Variants in EXOC6B observed in about 807,000 individuals in gnomAD.
The protein encoded by EXOC6B is SEC15 homolog B.
A neutral mutation model predicts 113.5 loss-of-function variants in EXOC6B; 54 were observed. That is an observed-to-expected ratio of 0.48 (90% CI 0.38 to 0.60). The LOEUF (loss-of-function observed/expected upper bound fraction) is 0.60, where lower values mean the gene tolerates loss of function less well. Among genes scored for constraint, EXOC6B ranks in the 20% least tolerant of loss-of-function variants. The pLI, the probability that EXOC6B is intolerant of heterozygous loss-of-function variation, is 0.00. For missense variants in EXOC6B, 797 were observed against 977.5 expected (o/e 0.82, Z 2.46); for synonymous variants, 357 against 339.0 (o/e 1.05, Z -0.58).
intron 20 of EXOC6B, among the ~76,000 whole-genome samples, chr2:72,201,693 T>A (rs983549327): frequency 6.6e-6 from 1 of 152,164 alleles, no homozygotes; most frequent in African/African-American, 2.4e-5. Flanking sequence ...TGTTAGGGAG[T>A]TACATCCCCA....
At chr2:72,515,598 G>A in intron 8 of EXOC6B, 1 of 997,652 alleles carries the variant, frequency 1.0e-6, no homozygotes, top group South Asian at 4.4e-5. Flanking sequence ...TTCCCCCTTA[G>A]GTTATAATCC....
At chr2:72,672,201 C>CAAAAAAAAAAAAAAAAAAAAAAAAAAA (rs61678584) in intron 6 of EXOC6B, among the ~76,000 whole-genome samples, 1 of 105,848 alleles carries the variant, frequency 9.4e-6, no homozygotes, top group African/African-American at 3.5e-5. Flanking sequence ...GGTATATATC[C>CAAAAAAAAAAAAAAAAAAAAAAAAAAA]AAAAAAAAAA....
chr2:72,506,401 TAG>T (rs1466751368), intron 11 of EXOC6B, among the ~76,000 whole-genome samples: 1 of 152,102 alleles, frequency 6.6e-6, no homozygotes, highest in Admixed American at 6.6e-5. Context: ...GGCAGCAGAT[TAG>T]ACTCTCCATC....
At chr2:72,782,151 A>AG (rs1553483759) in intron 1 of EXOC6B, among the ~76,000 whole-genome samples, 1 of 151,644 alleles carries the variant, frequency 6.6e-6, no homozygotes, top group South Asian at 2.1e-4. Flanking sequence ...AAAAAAAAAA[A>AG]AAAAGAAAAG....
intron 6 of EXOC6B, among the ~76,000 whole-genome samples, chr2:72,708,896 A>ATTTTTTTTT (rs1159794341): frequency 1.0e-4 from 7 of 69,790 alleles, no homozygotes; most frequent in African/African-American, 1.1e-4. Flanking sequence ...CATCCAGCTA[A>ATTTTTTTTT]TTTTTTTTTT....
intron 11 of EXOC6B, among the ~76,000 whole-genome samples, chr2:72,506,167 A>G (rs1442439585): frequency 6.6e-6 from 1 of 152,022 alleles, no homozygotes; most frequent in Non-Finnish European, 1.5e-5. Flanking sequence ...GCTACAGAAG[A>G]AGCAGGATTG....
chr2:72,649,289 T>C (rs1673985177), intron 6 of EXOC6B, among the ~76,000 whole-genome samples: 1 of 152,162 alleles, frequency 6.6e-6, no homozygotes, highest in Non-Finnish European at 1.5e-5. Flanking sequence ...GTATTTATGA[T>C]AGCACAACAG....
At chr2:72,420,518 G>A (rs930686204) in intron 18 of EXOC6B, among the ~76,000 whole-genome samples, 11 of 152,124 alleles carry the variant, frequency 7.2e-5, no homozygotes, top group Non-Finnish European at 2.9e-5. Context: ...TTAGTTTGCT[G>A]AGAATGATGG....
intron 1 of EXOC6B, among the ~76,000 whole-genome samples, chr2:72,805,542 A>G (rs10211019): frequency 0.91 from 139,179 of 152,234 alleles, 63,673 homozygotes; most frequent in East Asian, 0.99. Flanking sequence ...AATGTATGCT[A>G]TACAACATGA....
intron 18 of EXOC6B, among the ~76,000 whole-genome samples, chr2:72,454,302 A>C (rs1043879732): frequency 2.0e-5 from 3 of 152,108 alleles, no homozygotes; most frequent in African/African-American, 7.2e-5. Flanking sequence ...CCAGAAGTTC[A>C]AGACCAACCT....
chr2:72,513,096 C>T, intron 11 of EXOC6B, 36 bp downstream of exon 11: 2 of 1,608,998 alleles, frequency 1.2e-6, no homozygotes, highest in Admixed American at 3.4e-5. Context: ...AGATAATCAG[C>T]TCTAAATAAC....
At chr2:72,823,533 C>T (rs1184276642) in intron 1 of EXOC6B, among the ~76,000 whole-genome samples, 2 of 148,688 alleles carry the variant, frequency 1.3e-5, no homozygotes, top group Non-Finnish European at 3.0e-5. Context: ...CCTGTAATCC[C>T]AGCACTTTGG....
At chr2:72,701,345 A>T (rs1439341128) in intron 6 of EXOC6B, among the ~76,000 whole-genome samples, 6 of 151,644 alleles carry the variant, frequency 4.0e-5, no homozygotes, top group Non-Finnish European at 8.8e-5. Context: ...CATCTTCAAA[A>T]AAAAAAAAAA....
chr2:72,543,232 T>G (rs1702713136), intron 8 of EXOC6B, among the ~76,000 whole-genome samples: 1 of 152,126 alleles, frequency 6.6e-6, no homozygotes, highest in Admixed American at 6.5e-5. Flanking sequence ...TATGGAACAC[T>G]GTACAGACTA....
chr2:72,558,056 C>T (rs1211339248), intron 8 of EXOC6B, among the ~76,000 whole-genome samples: 1 of 150,682 alleles, frequency 6.6e-6, no homozygotes, highest in Non-Finnish European at 1.5e-5. Context: ...AAAAGAATGT[C>T]TTCTGAGAAA....
intron 6 of EXOC6B, among the ~76,000 whole-genome samples, chr2:72,648,893 C>T (rs1673946927): frequency 6.6e-6 from 1 of 152,108 alleles, no homozygotes; most frequent in Non-Finnish European, 1.5e-5. Flanking sequence ...CTTGTAATTC[C>T]AGCACTTTGG....
At chr2:72,281,928 A>C (rs1685155524) in intron 20 of EXOC6B, among the ~76,000 whole-genome samples, 1 of 152,194 alleles carries the variant, frequency 6.6e-6, no homozygotes, top group Non-Finnish European at 1.5e-5. Flanking sequence ...AAGCTGCAAC[A>C]AGACTGATAC....
intron 19 of EXOC6B, among the ~76,000 whole-genome samples, chr2:72,340,804 G>A (rs1211556456): frequency 1.3e-5 from 2 of 152,170 alleles, no homozygotes; most frequent in African/African-American, 4.8e-5. Flanking sequence ...TGGAGCAACA[G>A]ATGAAGGGTG....
chr2:72,655,453 G>A (rs571153595), intron 6 of EXOC6B, among the ~76,000 whole-genome samples: 1 of 151,994 alleles, frequency 6.6e-6, no homozygotes, highest in South Asian at 2.1e-4. Context: ...AAAACATGTG[G>A]CACAAGATTT....
Sources: gnomAD v4.1 joint callset for allele counts (sites outside exome capture counted in the v4.1 genomes callset) on GRCh38, gnomAD v4.1.1 for gene constraint, MANE v1.5 for transcripts, NCBI Gene and HGNC (gene_info 2026-07-23, HGNC 2026-07-21) for gene names.